The following HERC6 variants were observed in gnomAD, a reference collection of about 807,000 sequenced individuals.
HERC6 encodes the protein HECT and RLD domain containing E3 ubiquitin protein ligase family member 6.
Under a neutral mutation model 114.5 loss-of-function variants are expected in HERC6, and 101 were observed. The ratio of observed to expected loss-of-function variants is 0.88; its 90% CI spans 0.75 to 1.04. HERC6 has a LOEUF of 1.04. Among genes scored for constraint, HERC6 ranks in the 50% least tolerant of loss-of-function variants. The pLI is 0.00. For missense variants in HERC6, 1,133 were observed against 1,230.9 expected (o/e 0.92, Z 1.19); for synonymous variants, 408 against 436.2 (o/e 0.94, Z 0.81).
chr4:88,380,594 G>A (rs1226236068), intron 1 of HERC6, among the ~76,000 whole-genome samples: 2 of 147,954 alleles, frequency 1.4e-5, no homozygotes, highest in East Asian at 2.0e-4. Context: ...GCGGGCGCCT[G>A]TAGTCCCAGC....
At chr4:88,394,822 G>A (rs912806814) in intron 5 of HERC6, among the ~76,000 whole-genome samples, 15 of 152,264 alleles carry the variant, frequency 9.9e-5, no homozygotes, top group Non-Finnish European at 2.1e-4. Context: ...TGAGATTACA[G>A]GCATGAGCCA....
intron 22 of HERC6, 174 bp downstream of exon 22, chr4:88,440,424 G>A (rs577641288): frequency 2.9e-5 from 16 of 555,018 alleles, no homozygotes; most frequent in Middle Eastern, 4.6e-4. Flanking sequence ...GAGGTATAGA[G>A]CAGAAACTTA....
At chr4:88,383,002 A>G (rs1042851252) in intron 1 of HERC6, among the ~76,000 whole-genome samples, 12 of 152,176 alleles carry the variant, frequency 7.9e-5, no homozygotes, top group Admixed American at 1.3e-4. Flanking sequence ...CCTGTTGATT[A>G]TTTTAACAGA....
In HERC6 at chr4:88,408,508, T is replaced by G; in HGVS notation, c.1275-16T>G. 6.6e-7 allele frequency: 1 copy of G among 1,517,194 alleles called. No homozygotes were observed. Among genetic ancestry groups the G allele is most frequent in the Non-Finnish European group, 9.1e-7 (1 of 1,102,622 alleles). 94.0% of individuals were successfully genotyped at this position (1,517,194 alleles called of 1,614,324 possible). ...CCTTATGTTTATGTGGTTTCTTGCA[T>G]TTCTTGTATCCAAAGAGGAACTGGA... On this transcript the variant is annotated splice_polypyrimidine_tract_variant and intron_variant, in intron 10 of 22. Coordinates refer to ENST00000264346, the MANE Select transcript of HERC6 (RefSeq NM_017912.4).
chr4:88,404,991 C>A lies in HERC6; in HGVS notation c.1208C>A (p.Ala403Asp). The change falls in exon 9 of 23, where the codon GCT (alanine) becomes GAT (aspartate). Residue 403 changes from alanine to aspartate, a missense_variant. Coordinates refer to ENST00000264346, the MANE Select transcript of HERC6 (RefSeq NM_017912.4). The stretch of plus-strand genomic sequence containing the variant: ...AGAAGAAGTACTGAACATGAAATGG[C>A]TAAAAGGTGGCTCTGTCTGATAAAT... Reference protein sequence around the residue: ...VKRRSTEHEMAKSEIRMIFSS... With the variant: ...VKRRSTEHEMDKSEIRMIFSS... 4 of 1,612,898 alleles carry A rather than the reference C, an allele frequency of 2.5e-6. No homozygotes were observed. The highest frequency in any genetic ancestry group is 2.5e-6 in the Non-Finnish European group (3 of 1,179,322).
At chr4:88,424,989 C>A (rs1035909562) in intron 15 of HERC6, among the ~76,000 whole-genome samples, 4 of 152,182 alleles carry the variant, frequency 2.6e-5, no homozygotes, top group Admixed American at 6.5e-5. Flanking sequence ...CCACATGATT[C>A]TTTCATTGTT....
At chr4:88,406,684 A>C (rs1047825398) in intron 10 of HERC6, among the ~76,000 whole-genome samples, 1 of 152,172 alleles carries the variant, frequency 6.6e-6, no homozygotes, top group South Asian at 2.1e-4. Flanking sequence ...TACTTGCATA[A>C]ATATTTTAGC....
rs367933993 is a variant in HERC6 at position 88,440,300 on chromosome 4, G to A, written c.2842+50G>A. On this transcript the variant is annotated intron_variant, in intron 22 of 22. Coordinates refer to ENST00000264346, the MANE Select transcript of HERC6 (RefSeq NM_017912.4). ...CACATAATTATGTATCTTTTAAAAA[G>A]GTACAGTCTTGTTTAGAATGAAGCC... 91 of 1,075,158 alleles carry A rather than the reference G, an allele frequency of 8.5e-5. No homozygotes were observed. In the East Asian group the frequency reaches 2.1e-3, roughly 25 times the overall value. The allele number at this position is 1,075,158 out of a possible 1,614,324, so 66.6% of individuals were successfully genotyped here.
At position 88,381,234 on chromosome 4, in the gene HERC6, C is replaced by T. The variant is rs114774496; in HGVS notation, c.200-1987C>T. On this transcript the variant is annotated intron_variant, in intron 1 of 22. Coordinates refer to ENST00000264346, the MANE Select transcript of HERC6 (RefSeq NM_017912.4). ...TCCTCTACCCTCTTAGGTTCAGCGG[C>T]TGGGTCCTGCAAACTTAACTGACAA... 4.4e-3 allele frequency among the ~76,000 whole-genome samples: 677 copies of T among 152,206 alleles called. 6 individuals carry two copies. Among genetic ancestry groups the T allele is most frequent in the African/African-American group, 0.016 (649 of 41,520 alleles).
At chr4:88,383,129 C>A (rs1734401682) in intron 1 of HERC6, 92 bp from the exon 2 acceptor site, 1 of 1,481,440 alleles carries the variant, frequency 6.8e-7, no homozygotes, top group Non-Finnish European at 9.1e-7. Context: ...TCTGGATGAT[C>A]CTTCTTTTTG....
Position 88,442,243 on chromosome 4 carries a change from C to G in HERC6, c.2852C>G (p.Thr951Arg). 1 of 1,609,568 alleles carries G rather than the reference C, an allele frequency of 6.2e-7. No homozygotes were observed. Among genetic ancestry groups the G allele is most frequent in the Non-Finnish European group, 8.5e-7 (1 of 1,177,438 alleles). ...TTTTATTCCTTTCTAGTTTTCCTTA[C>G]AGGACGTGATAGGCTGCATGCAAGA... ...DEKKKFLFFL[T>R]GRDRLHARGI... Residue 951 changes from threonine to arginine, a missense_variant, in exon 23 of 23, where the codon ACA (threonine) becomes AGA (arginine). Transcript: ENST00000264346.
At chr4:88,407,691 A>G (rs1349910745) in intron 10 of HERC6, among the ~76,000 whole-genome samples, 1 of 152,180 alleles carries the variant, frequency 6.6e-6, no homozygotes, top group African/African-American at 2.4e-5. Context: ...AATTACAGGC[A>G]TGACCCACTG....
At chr4:88,435,434 T>G (rs1368807859) in intron 17 of HERC6, among the ~76,000 whole-genome samples, 2 of 152,074 alleles carry the variant, frequency 1.3e-5, no homozygotes, top group African/African-American at 2.4e-5. Flanking sequence ...TAAAATTAAA[T>G]TGTGAAAACC....
At chr4:88,419,792 A>G (rs1293084616) in intron 13 of HERC6, among the ~76,000 whole-genome samples, 1 of 152,168 alleles carries the variant, frequency 6.6e-6, no homozygotes, top group East Asian at 1.9e-4. Flanking sequence ...ATTAATAAAC[A>G]TAATATTTGG....
chr4:88,384,495 T>C (rs1734477802), intron 2 of HERC6, among the ~76,000 whole-genome samples: 1 of 152,194 alleles, frequency 6.6e-6, no homozygotes. Flanking sequence ...AGTAGTTGGC[T>C]CTGGATTATG....
chr4:88,390,177 C>CAA (rs1156777502), intron 3 of HERC6, among the ~76,000 whole-genome samples: 10,121 of 48,428 alleles, frequency 0.21, 1,114 homozygotes, highest in Non-Finnish European at 0.24. Flanking sequence ...AACTCTGTAT[C>CAA]AAAAAAAAAA....
In HERC6 at chr4:88,431,167, A is replaced by T; in HGVS notation, c.2112A>T (p.Glu704Asp). Reference sequence around the variant, plus strand: ...ACTATGTTCTCTTTCCTTAGGTTGAATTTATTAATGAAATTTGTCCTGAGT... The same window carrying T: ...ACTATGTTCTCTTTCCTTAGGTTGATTTTATTAATGAAATTTGTCCTGAGT... ...ATDFCKVLVV[E>D]FINEICPESG... The change falls in exon 17 of 23, where the codon GAA (glutamate) becomes GAT (aspartate). Residue 704 changes from glutamate to aspartate, a missense_variant. Physicochemically the swap from Glu to Asp is conservative, Grantham distance 45. Coordinates refer to ENST00000264346, the MANE Select transcript of HERC6 (RefSeq NM_017912.4). 1.9e-6 allele frequency: 3 copies of T among 1,606,392 alleles called. No homozygotes were observed. The highest frequency in any genetic ancestry group is 2.5e-6 in the Non-Finnish European group (3 of 1,177,682).
chr4:88,440,849 G>T (rs1464059128), intron 22 of HERC6, among the ~76,000 whole-genome samples: 2 of 152,208 alleles, frequency 1.3e-5, no homozygotes, highest in Non-Finnish European at 1.5e-5. Context: ...TAGAAAAGAA[G>T]TGATTTCTTG....
intron 10 of HERC6, 121 bp downstream of exon 10, chr4:88,405,734 A>ACT (rs1735785540): frequency 2.2e-6 from 1 of 461,282 alleles, no homozygotes; most frequent in Non-Finnish European, 3.8e-6. Flanking sequence ...AACACAGAGA[A>ACT]CTCTGTAGGT....
Sources: gnomAD v4.1 joint callset for allele counts (sites outside exome capture counted in the v4.1 genomes callset) on GRCh38, gnomAD v4.1.1 for gene constraint, MANE v1.5 for transcripts, NCBI Gene and HGNC (gene_info 2026-07-23, HGNC 2026-07-21) for gene names.